MTDH: variants seen among roughly 807,000 people sequenced by gnomAD.
MTDH encodes protein LYRIC.
A neutral mutation model predicts 72.7 loss-of-function variants in MTDH; 34 were observed. That is an observed-to-expected ratio of 0.47 (90% CI 0.36 to 0.62). MTDH has a LOEUF of 0.62. Ranked by LOEUF, MTDH falls within the 20% of genes least tolerant of loss-of-function variation. The pLI is 0.00. For missense variants in MTDH, 677 were observed against 699.4 expected, an observed-to-expected ratio of 0.97 and a Z score of 0.36; for synonymous variants, 266 against 268.9, an observed-to-expected ratio of 0.99 and a Z score of 0.10.
At chr8:97,682,282 T>TA (rs1813168774) in intron 2 of MTDH, among the ~76,000 whole-genome samples, 1 of 10,496 alleles carries the variant, frequency 9.5e-5, no homozygotes, top group Non-Finnish European at 1.7e-4. Context: ...ATATATATAT[T>TA]TTTTTTTTTT....
At chr8:97,678,700 A>G (rs1172548256) in intron 2 of MTDH, among the ~76,000 whole-genome samples, 2 of 146,408 alleles carry the variant, frequency 1.4e-5, no homozygotes, top group African/African-American at 2.5e-5. Context: ...CAGCCTCCCA[A>G]TATTTCGGGA....
In MTDH at chr8:97,706,612, C is replaced by T; in HGVS notation, c.1148-14C>T. ...AAAAATGATAGACGCCTAATTCACACTGTTAAATTTTAGATGGTCTGTCTT... is the reference window on the plus strand; with the variant it reads ...AAAAATGATAGACGCCTAATTCACATTGTTAAATTTTAGATGGTCTGTCTT... On this transcript the variant is annotated splice_polypyrimidine_tract_variant and intron_variant, in intron 7 of 11. Transcript: ENST00000336273. 2 of 1,542,402 alleles carry T rather than the reference C, an allele frequency of 1.3e-6. No homozygotes were observed. The highest frequency in any genetic ancestry group is 1.4e-5 in the African/African-American group (1 of 71,454).
In MTDH at chr8:97,707,152, C is replaced by CT. The variant is rs575001649; in HGVS notation, c.1272+417dup. Among the ~76,000 whole-genome samples the CT allele has an allele frequency of 9.0e-3, 1,179 of 131,104 alleles. 25 individuals carry two copies. In the South Asian group the frequency reaches 0.095, roughly 11 times the overall value. 86.0% of individuals were successfully genotyped at this position (131,104 alleles called of 152,430 possible). ...GGTATAGGGTCAGCAGTCTTTTTTTCTTTTTTTTTTTTTTTCGGAGACAGA... is the reference window on the plus strand; with the variant it reads ...GGTATAGGGTCAGCAGTCTTTTTTTCTTTTTTTTTTTTTTTTCGGAGACAGA... On this transcript the variant is annotated intron_variant, in intron 8 of 11. Coordinates refer to ENST00000336273, the MANE Select transcript of MTDH (RefSeq NM_178812.4).
At chr8:97,658,286 A>C in intron 1 of MTDH, among the ~76,000 whole-genome samples, 1 of 152,222 alleles carries the variant, frequency 6.6e-6, no homozygotes, top group South Asian at 2.1e-4. Flanking sequence ...AGGAACTAAA[A>C]TTGGCACAGA....
chr8:97,728,737 TAGAG>T lies in MTDH; in HGVS notation c.*4071_*4074del, dbSNP rs746264610. On this transcript the variant is annotated 3_prime_UTR_variant, in exon 12 of 12. Coordinates refer to ENST00000336273, the MANE Select transcript of MTDH (RefSeq NM_178812.4). Reference sequence around the variant, plus strand: ...AGGAGTTTGAAACCATCCTGAGCAATAGAGAGACCCCCATCTCGACAAAAAAAAA... The same window carrying T: ...AGGAGTTTGAAACCATCCTGAGCAATAGACCCCCATCTCGACAAAAAAAAA... The T allele has an allele frequency of 8.8e-5, 10 of 114,242 alleles. No individual in the cohort carries two copies. The highest frequency in any genetic ancestry group is 1.7e-4 in the Non-Finnish European group (10 of 58,362). 7.1% of individuals were successfully genotyped at this position (114,242 alleles called of 1,614,324 possible). A position where few individuals can be genotyped will look rare whatever the true frequency, so the allele number is the denominator to read the frequency against.
intron 4 of MTDH, among the ~76,000 whole-genome samples, chr8:97,688,725 C>T (rs562612824): frequency 6.6e-6 from 1 of 152,188 alleles, no homozygotes; most frequent in African/African-American, 2.4e-5. Context: ...ATTACAGAGC[C>T]CAATACTGCA....
chr8:97,671,509 T>TA (rs527652858), intron 2 of MTDH, among the ~76,000 whole-genome samples: 61 of 152,254 alleles, frequency 4.0e-4, no homozygotes, highest in African/African-American at 1.4e-3. Context: ...ATTATTTTGT[T>TA]ATAAATTAAT....
chr8:97,660,098 G>T (rs935166115), intron 1 of MTDH, among the ~76,000 whole-genome samples: 2 of 152,142 alleles, frequency 1.3e-5, no homozygotes, highest in Non-Finnish European at 2.9e-5. Context: ...GGCAGAGGTT[G>T]CAGTGAGCCG....
At chr8:97,662,289 G>A (rs1402489960) in intron 2 of MTDH, among the ~76,000 whole-genome samples, 17 of 149,714 alleles carry the variant, frequency 1.1e-4, no homozygotes, top group South Asian at 4.3e-4. Context: ...CTCCTGCCTC[G>A]GCCTCCCAAA....
intron 7 of MTDH, among the ~76,000 whole-genome samples, chr8:97,705,890 A>G (rs1231315993): frequency 6.6e-6 from 1 of 152,222 alleles, no homozygotes; most frequent in Non-Finnish European, 1.5e-5. Flanking sequence ...TTTTAGAATA[A>G]GTCATTGATA....
intron 7 of MTDH, among the ~76,000 whole-genome samples, chr8:97,701,606 G>T (rs1270183348): frequency 1.3e-5 from 2 of 152,130 alleles, no homozygotes; most frequent in Non-Finnish European, 2.9e-5. Context: ...GTATATTTGT[G>T]CTTTAGGAAG....
chr8:97,676,010 G>C (rs1174255931), intron 2 of MTDH, among the ~76,000 whole-genome samples: 1 of 150,890 alleles, frequency 6.6e-6, no homozygotes, highest in Admixed American at 6.6e-5. Flanking sequence ...TACAATCATG[G>C]CTCACAGCAT....
At chr8:97,648,724 A>G (rs903982191) in intron 1 of MTDH, among the ~76,000 whole-genome samples, 10 of 152,238 alleles carry the variant, frequency 6.6e-5, no homozygotes, top group Non-Finnish European at 1.2e-4. Context: ...AAGATTTGCT[A>G]TAGTGTAATT....
chr8:97,719,927 C>T (rs956952025), intron 10 of MTDH, among the ~76,000 whole-genome samples: 5 of 152,136 alleles, frequency 3.3e-5, no homozygotes, highest in Admixed American at 1.3e-4. Flanking sequence ...CAGAAGGGAC[C>T]ATTTTACAAA....
chr8:97,659,938 C>T (rs933132477), intron 1 of MTDH, among the ~76,000 whole-genome samples: 8 of 152,168 alleles, frequency 5.3e-5, no homozygotes, highest in Non-Finnish European at 1.0e-4. Flanking sequence ...ATGGGTGGAT[C>T]ACCTGAGGTC....
intron 3 of MTDH, among the ~76,000 whole-genome samples, chr8:97,687,123 C>T (rs1053842131): frequency 6.6e-6 from 1 of 152,016 alleles, no homozygotes; most frequent in African/African-American, 2.4e-5. Context: ...TATAATACTC[C>T]TGTCACTTCT....
intron 3 of MTDH, 146 bp downstream of exon 3, chr8:97,686,898 C>CA: frequency 1.0e-5 from 4 of 396,046 alleles, no homozygotes; most frequent in Non-Finnish European, 1.8e-5. Flanking sequence ...AGAGCTGTGA[C>CA]ACTGTTAGGA....
intron 11 of MTDH, among the ~76,000 whole-genome samples, chr8:97,723,250 T>G (rs1815207335): frequency 6.7e-6 from 1 of 150,270 alleles, no homozygotes; most frequent in African/African-American, 2.5e-5. Context: ...TACAAAAAAT[T>G]AGCCAGGTGT....
At chr8:97,723,539 C>G (rs910649630) in intron 11 of MTDH, among the ~76,000 whole-genome samples, 1 of 149,240 alleles carries the variant, frequency 6.7e-6, no homozygotes, top group Non-Finnish European at 1.5e-5. Flanking sequence ...GTCAGGAGAT[C>G]GAGACCATCC....
Sources: gnomAD v4.1 joint callset for allele counts (sites outside exome capture counted in the v4.1 genomes callset) on GRCh38, gnomAD v4.1.1 for gene constraint, MANE v1.5 for transcripts, NCBI Gene and HGNC (gene_info 2026-07-23, HGNC 2026-07-21) for gene names.